Variants in P4HA1 observed in about 807,000 individuals in gnomAD.
The protein encoded by P4HA1 is prolyl 4-hydroxylase subunit alpha-1.
In P4HA1, 24 loss-of-function variants were observed where a neutral mutation model predicts 72.8. The ratio of observed to expected loss-of-function variants is 0.33; its 90% CI spans 0.24 to 0.46. The LOEUF (loss-of-function observed/expected upper bound fraction) is 0.46. Ranked by LOEUF, P4HA1 falls within the 20% of genes least tolerant of loss-of-function variation. P4HA1 has a pLI of 1.00. For synonymous variants in P4HA1, 201 were observed against 218.8 expected (o/e 0.92, Z 0.72); for missense variants, 446 against 640.6 (o/e 0.70, Z 3.28).
intron 12 of P4HA1, among the ~76,000 whole-genome samples, chr10:73,011,298 G>T (rs1208250033): frequency 6.6e-6 from 1 of 152,136 alleles, no homozygotes; most frequent in African/African-American, 2.4e-5. Flanking sequence ...ATTTGAGATA[G>T]GAACTTATTT....
At chr10:73,013,103 T>C (rs1179537526) in intron 12 of P4HA1, among the ~76,000 whole-genome samples, 1 of 152,182 alleles carries the variant, frequency 6.6e-6, no homozygotes, top group African/African-American at 2.4e-5. Context: ...GCCTAAAATA[T>C]CTTTTTTAAG....
intron 1 of P4HA1, among the ~76,000 whole-genome samples, chr10:73,090,475 G>C (rs541929833): frequency 1.2e-4 from 19 of 152,114 alleles, no homozygotes; most frequent in Admixed American, 2.6e-4. Context: ...TCCTTATCTT[G>C]ATTGTACTGA....
At chr10:73,018,960 C>T (rs1840072135) in intron 10 of P4HA1, among the ~76,000 whole-genome samples, 1 of 152,136 alleles carries the variant, frequency 6.6e-6, no homozygotes, top group Non-Finnish European at 1.5e-5. Context: ...AGCCCAGGAT[C>T]CTAGCCCCAT....
chr10:73,069,873 T>C (rs1156827732), intron 4 of P4HA1, among the ~76,000 whole-genome samples: 2 of 150,890 alleles, frequency 1.3e-5, no homozygotes, highest in African/African-American at 2.5e-5. Context: ...GGCAGTGGCA[T>C]GATCTCAGCT....
intron 1 of P4HA1, among the ~76,000 whole-genome samples, chr10:73,095,812 TG>T (rs1481433109): frequency 6.6e-6 from 1 of 152,236 alleles, no homozygotes. Context: ...ACGCGTAAGA[TG>T]TTAGTGTCTA....
chr10:73,081,300 T>G (rs1841817446), intron 1 of P4HA1, among the ~76,000 whole-genome samples: 1 of 152,066 alleles, frequency 6.6e-6, no homozygotes, highest in African/African-American at 2.4e-5. Flanking sequence ...AAAGATAAAC[T>G]TACACTGGAA....
chr10:73,009,817 G>T lies in P4HA1; in HGVS notation c.1524C>A (p.Gly508=). The change falls in exon 14 of 15, where the codon GGC becomes GGA. Residue 508 remains glycine, a synonymous_variant. Transcript: ENST00000394890. Reference sequence around the variant, plus strand: ...ATATGAAATATTTACCCCATTTGTTGCCAACTAGCACTGGACAGGCTGCAT... The same window carrying T: ...ATATGAAATATTTACCCCATTTGTTTCCAACTAGCACTGGACAGGCTGCAT... ...TRHAACPVLV[G]NKWVSNKWLH... is the part of the protein sequence containing the mutation. The T allele has an allele frequency of 6.4e-7, 1 of 1,574,702 alleles. No individual in the cohort carries two copies. The highest frequency in any genetic ancestry group is 8.7e-7 in the Non-Finnish European group (1 of 1,144,346).
chr10:73,021,628 T>C (rs758907278), intron 10 of P4HA1, among the ~76,000 whole-genome samples: 2 of 152,164 alleles, frequency 1.3e-5, no homozygotes, highest in Non-Finnish European at 2.9e-5. Context: ...GTTCATCTCA[T>C]TGGGACTGGT....
At chr10:73,075,356 G>A (rs890103395) in intron 1 of P4HA1, among the ~76,000 whole-genome samples, 5 of 152,120 alleles carry the variant, frequency 3.3e-5, no homozygotes, top group Middle Eastern at 3.4e-3. Flanking sequence ...TTATCCACCC[G>A]CCTCAGCCTC....
At chr10:73,067,274 C>T (rs1204583286) in intron 5 of P4HA1, among the ~76,000 whole-genome samples, 2 of 152,176 alleles carry the variant, frequency 1.3e-5, no homozygotes, top group Non-Finnish European at 2.9e-5. Context: ...ATAATCTATC[C>T]ACTACCACCT....
intron 5 of P4HA1, among the ~76,000 whole-genome samples, chr10:73,068,119 C>T (rs1002141716): frequency 6.6e-6 from 1 of 152,044 alleles, no homozygotes; most frequent in Admixed American, 6.6e-5. Flanking sequence ...ATTTTATTTA[C>T]TATTATACCA....
At chr10:73,034,734 T>G (rs901943165) in intron 9 of P4HA1, among the ~76,000 whole-genome samples, 7 of 151,760 alleles carry the variant, frequency 4.6e-5, no homozygotes, top group Non-Finnish European at 7.4e-5. Flanking sequence ...ACTACAGGCA[T>G]GCACCACCAT....
chr10:73,037,540 TA>T (rs1840609219), intron 9 of P4HA1, among the ~76,000 whole-genome samples: 3 of 21,178 alleles, frequency 1.4e-4, no homozygotes, highest in Non-Finnish European at 2.5e-4. Flanking sequence ...TATATATATA[TA>T]TATATATATA....
At chr10:73,073,638 A>C in intron 3 of P4HA1, 93 bp downstream of exon 3, 2 of 718,744 alleles carry the variant, frequency 2.8e-6, no homozygotes, top group Admixed American at 2.2e-5. Context: ...AAGACTCAAA[A>C]ATGGGTTTCA....
chr10:73,082,557 GATCA>G (rs1321985979), intron 1 of P4HA1: 1 of 152,138 alleles, frequency 6.6e-6, no homozygotes, highest in Admixed American at 6.6e-5. Flanking sequence ...AACTCATTGT[GATCA>G]ATTAGTTGTA....
rs35382319 is a variant in P4HA1, at chr10:73,053,430, T to C, written c.624A>G (p.Leu208=). The C allele has an allele frequency of 4.1e-4, 666 of 1,614,090 alleles. No individual in the cohort carries two copies. In the African/African-American group the frequency reaches 8.0e-3, roughly 19 times the overall value. The part of the protein sequence containing the change: ...EISTIDKVSV[L]DYLSYAVYQQ... ...GATATACCGCATAGCTCAAATAATC[T>C]AGAACAGAGACTTTATCTATGGTAG... Residue 208 remains leucine, a synonymous_variant, in exon 6 of 15, where the codon CTA becomes CTG. Coordinates refer to ENST00000394890, the MANE Select transcript of P4HA1 (RefSeq NM_001017962.3).
At chr10:73,085,154 T>A (rs1176079234) in intron 1 of P4HA1, among the ~76,000 whole-genome samples, 2 of 149,610 alleles carry the variant, frequency 1.3e-5, no homozygotes, top group African/African-American at 2.5e-5. Flanking sequence ...AAAAAAAAAA[T>A]TATTTTCATA....
In P4HA1 at chr10:73,044,975, T is replaced by A; in HGVS notation, c.1148+6A>T. The A allele has an allele frequency of 6.2e-7, 1 of 1,609,844 alleles. No individual in the cohort carries two copies. Among genetic ancestry groups the A allele is most frequent in the South Asian group, 1.1e-5 (1 of 90,872 alleles). ...GGGCAAAATATGCAGCATACACATC[T>A]CTTACCTTTTGCTAATTCTGTAATG... On this transcript the variant is annotated splice_donor_region_variant and intron_variant, in intron 9 of 14. Coordinates refer to ENST00000394890, the MANE Select transcript of P4HA1 (RefSeq NM_001017962.3).
chr10:73,061,415 A>G (rs1431816734), intron 5 of P4HA1, among the ~76,000 whole-genome samples: 2 of 151,916 alleles, frequency 1.3e-5, no homozygotes, highest in African/African-American at 4.9e-5. Flanking sequence ...CAGCTAACCA[A>G]TGTCATAAAG....
Sources: gnomAD v4.1 joint callset for allele counts (sites outside exome capture counted in the v4.1 genomes callset) on GRCh38, gnomAD v4.1.1 for gene constraint, MANE v1.5 for transcripts, NCBI Gene and HGNC (gene_info 2026-07-23, HGNC 2026-07-21) for gene names.